The following RBFOX1 variants were observed in gnomAD, a reference collection of about 807,000 sequenced individuals.
The protein encoded by RBFOX1 is RNA binding protein fox-1 homolog 1.
Under a neutral mutation model 57.7 loss-of-function variants are expected in RBFOX1, and 8 were observed. The observed-to-expected ratio is 0.14, with a 90% CI of 0.08 to 0.25. RBFOX1 has a LOEUF of 0.25. Among genes scored for constraint, RBFOX1 ranks in the 10% least tolerant of loss-of-function variants. The pLI, the probability that RBFOX1 is intolerant of heterozygous loss-of-function variation, is 1.00. For missense variants in RBFOX1, 611 were observed against 548.5 expected (o/e 1.11, Z -1.14); for synonymous variants, 326 against 222.4 (o/e 1.47, Z -4.15).
chr16:6,470,969 G>T (rs1409581100), intron 2 of RBFOX1, among the ~76,000 whole-genome samples: 4 of 152,094 alleles, frequency 2.6e-5, no homozygotes, highest in Non-Finnish European at 5.9e-5. Context: ...ATCTTCCAGA[G>T]GCTCTTCCTG....
chr16:5,332,067 A>G (rs1248079900), intron 1 of RBFOX1, among the ~76,000 whole-genome samples: 1 of 152,208 alleles, frequency 6.6e-6, no homozygotes, highest in African/African-American at 2.4e-5. Flanking sequence ...ATGGCTTTGG[A>G]ACAGTGGATC....
intron 4 of RBFOX1, among the ~76,000 whole-genome samples, chr16:7,166,100 G>A (rs972227169): frequency 2.0e-5 from 3 of 152,054 alleles, no homozygotes; most frequent in Non-Finnish European, 2.9e-5. Context: ...TGTAACTTCT[G>A]CCTCCGGGAT....
chr16:6,623,634 C>G (rs142904747), intron 2 of RBFOX1, among the ~76,000 whole-genome samples: 46 of 151,988 alleles, frequency 3.0e-4, no homozygotes, highest in African/African-American at 1.1e-3. Context: ...CTAATGTTCC[C>G]CTTCCTGTGT....
intron 4 of RBFOX1, among the ~76,000 whole-genome samples, chr16:7,306,266 T>G (rs1168808418): frequency 6.6e-6 from 1 of 152,124 alleles, no homozygotes; most frequent in African/African-American, 2.4e-5. Flanking sequence ...TGACTTTGAG[T>G]GAGAGGTTAT....
intron 3 of RBFOX1, among the ~76,000 whole-genome samples, chr16:5,809,200 G>A (rs1435423818): frequency 6.6e-6 from 1 of 152,098 alleles, no homozygotes; most frequent in Non-Finnish European, 1.5e-5. Context: ...TTAAACATTA[G>A]ACCTAAAACC....
chr16:6,175,001 T>G (rs1005615582), intron 1 of RBFOX1, among the ~76,000 whole-genome samples: 6 of 152,234 alleles, frequency 3.9e-5, no homozygotes, highest in African/African-American at 1.4e-4. Flanking sequence ...AAGTCATCTC[T>G]CTTCCTCAGT....
intron 2 of RBFOX1, among the ~76,000 whole-genome samples, chr16:5,551,385 GA>G (rs1422036885): frequency 6.6e-6 from 1 of 152,206 alleles, no homozygotes; most frequent in African/African-American, 2.4e-5. Flanking sequence ...TGTTGGACGG[GA>G]CACAGCCAGA....
At chr16:6,393,398 G>A (rs1168517472) in intron 2 of RBFOX1, among the ~76,000 whole-genome samples, 3 of 152,152 alleles carry the variant, frequency 2.0e-5, no homozygotes, top group Non-Finnish European at 4.4e-5. Context: ...TGGTCTTTGA[G>A]ATATTGTGGG....
intron 3 of RBFOX1, among the ~76,000 whole-genome samples, chr16:6,913,918 A>C (rs946843752): frequency 3.9e-5 from 6 of 152,188 alleles, no homozygotes. Context: ...AGCAAACACT[A>C]AAGGCCTCTT....
chr16:6,706,452 G>T (rs1387363758), intron 3 of RBFOX1, among the ~76,000 whole-genome samples: 1 of 152,206 alleles, frequency 6.6e-6, no homozygotes, highest in African/African-American at 2.4e-5. Context: ...TCCAGCTTTG[G>T]ATGGGGGGCC....
chr16:7,285,072 T>G (rs1238961173), intron 4 of RBFOX1, among the ~76,000 whole-genome samples: 1 of 136,778 alleles, frequency 7.3e-6, no homozygotes, highest in African/African-American at 2.7e-5. Context: ...TATAGATTCC[T>G]TACTTTTTTT....
At chr16:7,155,712 A>ATATATAT (rs1555516461) in intron 4 of RBFOX1, among the ~76,000 whole-genome samples, 1 of 77,418 alleles carries the variant, frequency 1.3e-5, no homozygotes, top group African/African-American at 6.7e-5. Flanking sequence ...AAAAAAAAAA[A>ATATATAT]ATATATATAT....
At chr16:7,549,199 A>G (rs1328994159) in intron 5 of RBFOX1, among the ~76,000 whole-genome samples, 1 of 152,216 alleles carries the variant, frequency 6.6e-6, no homozygotes, top group Non-Finnish European at 1.5e-5. Context: ...CGAAATATTT[A>G]CAGAGTGGAA....
At chr16:5,283,699 T>A (rs1337876670) in intron 1 of RBFOX1, among the ~76,000 whole-genome samples, 2 of 152,234 alleles carry the variant, frequency 1.3e-5, no homozygotes, top group African/African-American at 4.8e-5. Context: ...TTCTCCCATT[T>A]GGAATGACTG....
chr16:7,610,118 C>CAT lies in RBFOX1; in HGVS notation c.676+2780_676+2781insAT, dbSNP rs71394327. Among the ~76,000 whole-genome samples the CAT allele has an allele frequency of 9.1e-5, 6 of 65,614 alleles. No individual in the cohort carries two copies. The Admixed American group carries it at 1.5e-3, about 16-fold the overall frequency. 43.0% of individuals were successfully genotyped at this position (65,614 alleles called of 152,430 possible). ...GGTGTGAGCCACTGCGCCCGGCCCC[C>CAT]TTTTTTTTTTTTTTTTTTTTTGAGG... is the stretch of plus-strand genomic sequence containing the variant. On this transcript the variant is annotated intron_variant, in intron 10 of 15. Transcript: ENST00000550418.
At chr16:6,135,231 A>G (rs770818809) in intron 1 of RBFOX1, among the ~76,000 whole-genome samples, 2 of 152,184 alleles carry the variant, frequency 1.3e-5, no homozygotes, top group African/African-American at 2.4e-5. Flanking sequence ...TGGCATTCCA[A>G]TGCACCCACA....
At chr16:5,697,466 G>A (rs908510929) in intron 3 of RBFOX1, among the ~76,000 whole-genome samples, 51 of 150,740 alleles carry the variant, frequency 3.4e-4, no homozygotes, top group Admixed American at 2.3e-3. Context: ...CCTATTGCAC[G>A]AGCTAGAGGA....
chr16:7,466,833 C>A (rs1000223548), intron 4 of RBFOX1, among the ~76,000 whole-genome samples: 13 of 152,214 alleles, frequency 8.5e-5, no homozygotes, highest in African/African-American at 2.9e-4. Context: ...CACCATACTT[C>A]CAAAGGAATA....
chr16:7,091,891 T>C lies in RBFOX1; in HGVS notation c.27+39793T>C, dbSNP rs9926436. Among the ~76,000 whole-genome samples, 561 of 152,340 alleles carry C rather than the reference T, an allele frequency of 3.7e-3. 3 individuals carry two copies. The highest frequency in any genetic ancestry group is 0.013 in the African/African-American group (539 of 41,578). ...AAGTTGCAGATATAGAGTTGCTTTA[T>C]TGTCTTGGATCATCATGCCAGTTTA... On this transcript the variant is annotated intron_variant, in intron 4 of 15. Coordinates refer to ENST00000550418, the MANE Select transcript of RBFOX1 (RefSeq NM_018723.4).
Sources: allele counts gnomAD v4.1 joint callset (sites outside exome capture counted in the v4.1 genomes callset), GRCh38; gene constraint gnomAD v4.1.1; transcripts MANE v1.5; gene names NCBI Gene and HGNC (gene_info 2026-07-23, HGNC 2026-07-21).